Variants in CPAP observed in about 807,000 individuals in gnomAD.
The protein encoded by CPAP is centrosome assembly and centriole elongation protein.
At chr13:24,883,211 T>C in the CPAP span, 2 of 1,613,986 alleles carry the variant, frequency 1.2e-6, no homozygotes, top group Admixed American at 1.7e-5. Flanking sequence ...ATTACCCTCC[T>C]TGTCCTTAAC....
the CPAP span, chr13:24,911,843 T>C: frequency 7.2e-7 from 1 of 1,384,412 alleles, no homozygotes; most frequent in Non-Finnish European, 1.0e-6. Flanking sequence ...TTAAAGAAAC[T>C]GGAGTTCACA....
the CPAP span, among the ~76,000 whole-genome samples, chr13:24,903,416 G>A: frequency 1.3e-5 from 2 of 152,166 alleles, no homozygotes; most frequent in Non-Finnish European, 2.9e-5. Context: ...CACACAGAGG[G>A]AAGATGGCCA....
At chr13:24,922,533 G>A in the CPAP span, among the ~76,000 whole-genome samples, 5 of 152,244 alleles carry the variant, frequency 3.3e-5, no homozygotes, top group African/African-American at 1.2e-4. Context: ...AGAGAGGCCG[G>A]CTTCCCCAGC....
At chr13:24,898,698 T>C in the CPAP span, among the ~76,000 whole-genome samples, 2 of 152,290 alleles carry the variant, frequency 1.3e-5, no homozygotes, top group South Asian at 2.1e-4. Context: ...GCAGGTGAGA[T>C]TGCTCAAGGA....
the CPAP span, among the ~76,000 whole-genome samples, chr13:24,886,776 G>A: frequency 6.6e-6 from 1 of 152,222 alleles, no homozygotes; most frequent in Admixed American, 6.5e-5. Context: ...CCATTTTATG[G>A]CAAGAAAACC....
chr13:24,884,935 T>C, the CPAP span, among the ~76,000 whole-genome samples: 1 of 152,218 alleles, frequency 6.6e-6, no homozygotes, highest in Non-Finnish European at 1.5e-5. Context: ...CCCCAGGCAG[T>C]TTTCCCACTA....
the CPAP span, among the ~76,000 whole-genome samples, chr13:24,923,052 G>T: frequency 3.8e-3 from 586 of 152,358 alleles, 2 homozygotes; most frequent in African/African-American, 0.014. Context: ...GGCGGGCGGC[G>T]TGGCGGGGCG....
At chr13:24,886,219 ATTGTAAACAC>A in the CPAP span, 1 of 895,704 alleles carries the variant, frequency 1.1e-6, no homozygotes, top group Non-Finnish European at 1.6e-6. Flanking sequence ...AATGGATCAT[ATTGTAAACAC>A]TCAACTTGGA....
At chr13:24,931,455 T>G in the CPAP span, among the ~76,000 whole-genome samples, 43,419 of 151,826 alleles carry the variant, frequency 0.29, 6,517 homozygotes, top group Admixed American at 0.39. Flanking sequence ...AGGTTGTAAT[T>G]ATGAAACTTG....
the CPAP span, among the ~76,000 whole-genome samples, chr13:24,932,766 C>A: frequency 1.3e-5 from 2 of 152,086 alleles, no homozygotes; most frequent in African/African-American, 4.8e-5. Flanking sequence ...ATATTATAAG[C>A]CTGTACAAAG....
chr13:24,892,703 G>A, the CPAP span: 1 of 1,614,056 alleles, frequency 6.2e-7, no homozygotes. Context: ...CTCTCTTCCA[G>A]GCATCCAGTC....
At chr13:24,924,113 G>A in the CPAP span, among the ~76,000 whole-genome samples, 1 of 152,098 alleles carries the variant, frequency 6.6e-6, no homozygotes. Flanking sequence ...AATTACAGGC[G>A]TGAGCCACCG....
the CPAP span, among the ~76,000 whole-genome samples, chr13:24,932,164 G>A: frequency 1.3e-5 from 2 of 152,072 alleles, no homozygotes; most frequent in Admixed American, 6.6e-5. Context: ...CAAGGGACCC[G>A]GAACAGCGAC....
chr13:24,900,461 C>T, the CPAP span, among the ~76,000 whole-genome samples: 1 of 152,104 alleles, frequency 6.6e-6, no homozygotes, highest in East Asian at 1.9e-4. Flanking sequence ...CCAGCCTGAC[C>T]AACATGGAGA....
the CPAP span, among the ~76,000 whole-genome samples, chr13:24,920,966 A>G: frequency 1.3e-5 from 2 of 152,134 alleles, no homozygotes; most frequent in African/African-American, 4.8e-5. Flanking sequence ...CAGGCAAAAT[A>G]AACCCATAGT....
the CPAP span, among the ~76,000 whole-genome samples, chr13:24,895,339 G>T: frequency 6.6e-6 from 1 of 152,236 alleles, no homozygotes; most frequent in African/African-American, 2.4e-5. Context: ...ACTTTGGGAG[G>T]CTGAGACGGG....
the CPAP span, among the ~76,000 whole-genome samples, chr13:24,913,295 C>T: frequency 6.6e-6 from 1 of 152,062 alleles, no homozygotes; most frequent in Non-Finnish European, 1.5e-5. Flanking sequence ...AACGTAAGAT[C>T]CTTCTTGACT....
the CPAP span, among the ~76,000 whole-genome samples, chr13:24,908,414 C>T: frequency 5.0e-5 from 6 of 120,752 alleles, no homozygotes; most frequent in Admixed American, 3.3e-4. Context: ...GCCTGGCCAA[C>T]GTGGCGAAAC....
At chr13:24,902,256 C>T in the CPAP span, among the ~76,000 whole-genome samples, 6 of 151,574 alleles carry the variant, frequency 4.0e-5, no homozygotes, top group African/African-American at 1.2e-4. Context: ...CAAAAAACAA[C>T]AACAAAAAAA....
Sources: allele counts gnomAD v4.1 joint callset (sites outside exome capture counted in the v4.1 genomes callset), GRCh38; gene constraint gnomAD v4.1.1; transcripts MANE v1.5; gene names NCBI Gene and HGNC (gene_info 2026-07-23, HGNC 2026-07-21).